IPCEF1: variants seen among roughly 807,000 people sequenced by gnomAD.
The protein encoded by IPCEF1 is interaction protein for cytohesin exchange factors 1.
In IPCEF1, 31 loss-of-function variants were observed where a neutral mutation model predicts 50.9. That is an observed-to-expected ratio of 0.61 (90% CI 0.46 to 0.82). IPCEF1 has a LOEUF of 0.82. IPCEF1 is among the 40% of genes least tolerant of loss of function. The pLI, the probability that IPCEF1 is intolerant of heterozygous loss-of-function variation, is 0.00. For synonymous variants in IPCEF1, 181 were observed against 192.0 expected (o/e 0.94, Z 0.47); for missense variants, 458 against 514.0 (o/e 0.89, Z 1.05).
intron 1 of IPCEF1, 142 bp from the exon 2 acceptor site, chr6:154,289,898 G>T (rs1403698847): frequency 6.6e-6 from 1 of 152,074 alleles, no homozygotes; most frequent in Non-Finnish European, 1.5e-5. Flanking sequence ...ACAGTAAGTT[G>T]ATCATCGTGA....
At chr6:154,212,681 T>C in intron 9 of IPCEF1, 89 bp downstream of exon 9, 1 of 838,902 alleles carries the variant, frequency 1.2e-6, no homozygotes, top group Non-Finnish European at 1.9e-6. Flanking sequence ...TCTAAAAATT[T>C]ATTGGTCAAG....
In IPCEF1 at chr6:154,250,491, T is replaced by C. The variant is rs144265471; in HGVS notation, c.37-3003A>G. On this transcript the variant is annotated intron_variant, in intron 3 of 11. Transcript: ENST00000367220. ...TTTTCTTTGAAAATATGTATTTCTT[T>C]TTCATTGAAGAAGTGTATTTTTCTT... Among the ~76,000 whole-genome samples, 28 of 152,382 alleles carry C rather than the reference T, an allele frequency of 1.8e-4. No homozygotes were observed. The East Asian group carries it at 5.4e-3, about 29-fold the overall frequency.
At chr6:154,238,359 G>A (rs544458137) in intron 5 of IPCEF1, among the ~76,000 whole-genome samples, 29 of 152,156 alleles carry the variant, frequency 1.9e-4, no homozygotes, top group African/African-American at 6.5e-4. Context: ...AGGTTCAAGC[G>A]ATTCTCCTGC....
At chr6:154,224,270 C>T (rs1342634374) in intron 5 of IPCEF1, among the ~76,000 whole-genome samples, 1 of 152,202 alleles carries the variant, frequency 6.6e-6, no homozygotes, top group Non-Finnish European at 1.5e-5. Flanking sequence ...CTGCTCTTTC[C>T]TTTATTGCCA....
At chr6:154,164,736 A>G (rs1799292494) in intron 11 of IPCEF1, among the ~76,000 whole-genome samples, 1 of 152,362 alleles carries the variant, frequency 6.6e-6, no homozygotes, top group South Asian at 2.1e-4. Flanking sequence ...CTTGTGACAT[A>G]GGTCAGAGTA....
At chr6:154,255,751 C>T (rs1421774346) in intron 3 of IPCEF1, among the ~76,000 whole-genome samples, 1 of 152,050 alleles carries the variant, frequency 6.6e-6, no homozygotes, top group Admixed American at 6.6e-5. Flanking sequence ...ATCAGTTTTT[C>T]AAATCTGCTT....
intron 10 of IPCEF1, among the ~76,000 whole-genome samples, chr6:154,184,543 A>G (rs900281426): frequency 6.6e-6 from 1 of 151,446 alleles, no homozygotes; most frequent in African/African-American, 2.4e-5. Flanking sequence ...ATGTGTATGT[A>G]TATATATATA....
intron 2 of IPCEF1, among the ~76,000 whole-genome samples, chr6:154,283,060 G>A (rs765188733): frequency 4.6e-5 from 7 of 152,028 alleles, no homozygotes; most frequent in Non-Finnish European, 8.8e-5. Flanking sequence ...TTGGGAGGCC[G>A]AGGTGGGCGG....
intron 1 of IPCEF1, among the ~76,000 whole-genome samples, chr6:154,339,341 A>G (rs1010645688): frequency 1.3e-5 from 2 of 152,184 alleles, no homozygotes; most frequent in African/African-American, 4.8e-5. Flanking sequence ...GGTTCAATCA[A>G]CTGTCCATGA....
chr6:154,341,781 G>A (rs764801565), intron 1 of IPCEF1, among the ~76,000 whole-genome samples: 3 of 152,100 alleles, frequency 2.0e-5, no homozygotes, highest in Non-Finnish European at 2.9e-5. Flanking sequence ...CAGATTGTGT[G>A]GATGTGTTTT....
At chr6:154,162,407 A>G (rs1028874797) in intron 11 of IPCEF1, among the ~76,000 whole-genome samples, 3 of 152,326 alleles carry the variant, frequency 2.0e-5, no homozygotes, top group South Asian at 2.1e-4. Context: ...ACCATTCACC[A>G]AAACTGCTCT....
intron 2 of IPCEF1, among the ~76,000 whole-genome samples, chr6:154,287,162 T>TCC (rs1782383532): frequency 1.1e-4 from 2 of 18,220 alleles, no homozygotes; most frequent in South Asian, 7.7e-3. Context: ...CTTCTCTCCC[T>TCC]CTCTCTCTCT....
intron 2 of IPCEF1, among the ~76,000 whole-genome samples, chr6:154,286,781 C>T (rs543973639): frequency 4.6e-5 from 7 of 152,234 alleles, no homozygotes; most frequent in African/African-American, 1.4e-4. Context: ...CAGGTGGAAC[C>T]GAGGCAGTAC....
At chr6:154,220,719 G>T (rs1036218480) in intron 7 of IPCEF1, among the ~76,000 whole-genome samples, 2 of 152,188 alleles carry the variant, frequency 1.3e-5, no homozygotes, top group African/African-American at 4.8e-5. Flanking sequence ...AGGGCAGGTT[G>T]TACTCTGCAC....
At chr6:154,201,315 A>G (rs1423199453) in intron 9 of IPCEF1, among the ~76,000 whole-genome samples, 1 of 152,162 alleles carries the variant, frequency 6.6e-6, no homozygotes, top group Non-Finnish European at 1.5e-5. Flanking sequence ...GTTGAAATAC[A>G]TGCCTTCTTT....
chr6:154,265,957 AAC>A lies in IPCEF1; in HGVS notation c.-12_-11del. The A allele has an allele frequency of 6.3e-7, 1 of 1,594,368 alleles. No individual in the cohort carries two copies. On this transcript the variant is annotated 5_prime_UTR_variant, in exon 3 of 12. Transcript: ENST00000367220. ...CCATGTATGATGTCATCTTAGTAGA[AAC>A]AAAAGCTAGAAGAGAAAAAATGTTT...
chr6:154,184,229 A>T (rs1378415571), intron 10 of IPCEF1, among the ~76,000 whole-genome samples: 1 of 152,050 alleles, frequency 6.6e-6, no homozygotes, highest in Non-Finnish European at 1.5e-5. Context: ...CTATCTCAAA[A>T]TGTAATAGCA....
intron 5 of IPCEF1, among the ~76,000 whole-genome samples, chr6:154,238,017 A>G (rs1166140795): frequency 6.6e-6 from 1 of 152,202 alleles, no homozygotes; most frequent in Non-Finnish European, 1.5e-5. Flanking sequence ...TTTAGATTCT[A>G]TGCATTGGCA....
chr6:154,293,201 A>G (rs1332250553), intron 1 of IPCEF1, among the ~76,000 whole-genome samples: 1 of 152,228 alleles, frequency 6.6e-6, no homozygotes. Context: ...AAAGAGAAAC[A>G]AACAGGTTTC....
Sources: allele counts gnomAD v4.1 joint callset (sites outside exome capture counted in the v4.1 genomes callset), GRCh38; gene constraint gnomAD v4.1.1; transcripts MANE v1.5; gene names NCBI Gene and HGNC (gene_info 2026-07-23, HGNC 2026-07-21).